GABRB1: variants seen among roughly 807,000 people sequenced by gnomAD.
The protein encoded by GABRB1 is gamma-aminobutyric acid receptor subunit beta-1.
Under a neutral mutation model 51.6 loss-of-function variants are expected in GABRB1, and 17 were observed. The observed-to-expected ratio is 0.33, with a 90% CI of 0.23 to 0.49. The LOEUF (loss-of-function observed/expected upper bound fraction) is 0.49. Ranked by LOEUF, GABRB1 falls within the 20% of genes least tolerant of loss-of-function variation. The pLI is 0.99. For synonymous variants in GABRB1, 247 were observed against 218.9 expected, an observed-to-expected ratio of 1.13 and a Z score of -1.14; for missense variants, 410 against 600.6, an observed-to-expected ratio of 0.68 and a Z score of 3.32.
rs1717773414 is a variant in GABRB1 at position 47,157,968 on chromosome 4, T to C, written c.241-3281T>C. 8.5e-5 allele frequency among the ~76,000 whole-genome samples: 13 copies of C among 152,224 alleles called. 1 individual carries two copies. The South Asian group carries it at 2.7e-3, about 32-fold the overall frequency. ...TGGATAACTTCTATAGCAAATTGGG[T>C]ACATTATTGCTTGAATTTATAACCA... On this transcript the variant is annotated intron_variant, in intron 3 of 8. Transcript: ENST00000295454.
intron 4 of GABRB1, among the ~76,000 whole-genome samples, chr4:47,225,845 T>C (rs1301015779): frequency 6.6e-6 from 1 of 152,188 alleles, no homozygotes; most frequent in Non-Finnish European, 1.5e-5. Context: ...TTTCTTCCAG[T>C]AAATGCATGC....
chr4:47,366,146 C>G (rs537804041), intron 5 of GABRB1, among the ~76,000 whole-genome samples: 1 of 152,262 alleles, frequency 6.6e-6, no homozygotes, highest in East Asian at 1.9e-4. Context: ...TGAACAATTC[C>G]AGGTCTCATA....
intron 3 of GABRB1, among the ~76,000 whole-genome samples, chr4:47,091,280 T>A (rs957830858): frequency 6.6e-6 from 1 of 152,160 alleles, no homozygotes; most frequent in African/African-American, 2.4e-5. Flanking sequence ...TACCATTATA[T>A]TGTATTTTTT....
At chr4:47,119,745 G>A (rs1275648480) in intron 3 of GABRB1, among the ~76,000 whole-genome samples, 1 of 152,074 alleles carries the variant, frequency 6.6e-6, no homozygotes, top group Admixed American at 6.6e-5. Flanking sequence ...CCAACCTCAG[G>A]TGATCTGCCC....
At chr4:47,250,360 G>A (rs1721939507) in intron 4 of GABRB1, among the ~76,000 whole-genome samples, 1 of 152,104 alleles carries the variant, frequency 6.6e-6, no homozygotes, top group South Asian at 2.1e-4. Flanking sequence ...GTTACCTGGA[G>A]CTTCTGTCTC....
rs75038256 is a variant in GABRB1 at position 47,302,069 on chromosome 4, T to C, written c.462-18058T>C. ...TGTAGAGTGTTTATAAATTCGGATA[T>C]GTACTTTGCCACAGATCAAGATTAA... On this transcript the variant is annotated intron_variant, in intron 4 of 8. Transcript: ENST00000295454. 8.5e-3 allele frequency among the ~76,000 whole-genome samples: 1,295 copies of C among 152,276 alleles called. 36 individuals carry two copies. The East Asian group carries it at 0.11, about 13-fold the overall frequency.
At chr4:47,390,352 T>G (rs1727942618) in intron 5 of GABRB1, among the ~76,000 whole-genome samples, 1 of 152,232 alleles carries the variant, frequency 6.6e-6, no homozygotes, top group Non-Finnish European at 1.5e-5. Context: ...ATTAGAAGCT[T>G]AAATGTCTGC....
chr4:47,031,542 GCGCGC>G, upstream of GABRB1: 1 of 849,200 alleles, frequency 1.2e-6, no homozygotes, highest in Non-Finnish European at 2.0e-6. Context: ...TTGGTAGTGA[GCGCGC>G]TCTGCGCATG....
At chr4:47,049,104 C>T (rs1261912021) in intron 3 of GABRB1, among the ~76,000 whole-genome samples, 4 of 150,174 alleles carry the variant, frequency 2.7e-5, no homozygotes, top group Admixed American at 6.6e-5. Context: ...GGGAGTTTTT[C>T]GGTGCAAATC....
At chr4:47,242,462 ACT>A (rs1367696941) in intron 4 of GABRB1, among the ~76,000 whole-genome samples, 1 of 152,208 alleles carries the variant, frequency 6.6e-6, no homozygotes, top group African/African-American at 2.4e-5. Flanking sequence ...GAATCACCAC[ACT>A]GTCTTCCACA....
intron 5 of GABRB1, among the ~76,000 whole-genome samples, chr4:47,349,278 G>A (rs1217305533): frequency 6.6e-6 from 1 of 152,060 alleles, no homozygotes; most frequent in African/African-American, 2.4e-5. Context: ...GGAGGTCTGG[G>A]GAATTTCAGT....
intron 3 of GABRB1, among the ~76,000 whole-genome samples, chr4:47,109,617 TG>T (rs1310853140): frequency 1.3e-5 from 2 of 151,958 alleles, no homozygotes; most frequent in Non-Finnish European, 2.9e-5. Flanking sequence ...TGGGAAAATG[TG>T]GTAAATAAGG....
At chr4:47,110,159 G>T (rs1003507057) in intron 3 of GABRB1, among the ~76,000 whole-genome samples, 1 of 152,106 alleles carries the variant, frequency 6.6e-6, no homozygotes, top group Admixed American at 6.6e-5. Flanking sequence ...CAGCAAGATT[G>T]TTGTGAATCT....
At chr4:47,051,816 C>T (rs34429439) in intron 3 of GABRB1, among the ~76,000 whole-genome samples, 33,822 of 152,016 alleles carry the variant, frequency 0.22, 4,862 homozygotes, top group Middle Eastern at 0.38. Flanking sequence ...GAAAGTCAGC[C>T]GACTAGTAGT....
intron 3 of GABRB1, among the ~76,000 whole-genome samples, chr4:47,116,039 G>C (rs1715463437): frequency 6.6e-6 from 1 of 152,086 alleles, no homozygotes; most frequent in South Asian, 2.1e-4. Context: ...TCACAGTATT[G>C]GTGTTTTGTT....
intron 8 of GABRB1, among the ~76,000 whole-genome samples, chr4:47,414,281 A>G (rs1273278663): frequency 1.3e-5 from 2 of 152,210 alleles, no homozygotes; most frequent in African/African-American, 4.8e-5. Flanking sequence ...CATGTGCCCA[A>G]GGTGGTCAGA....
intron 8 of GABRB1, among the ~76,000 whole-genome samples, chr4:47,413,283 A>G (rs1030748910): frequency 3.3e-5 from 5 of 152,200 alleles, no homozygotes; most frequent in Admixed American, 3.3e-4. Flanking sequence ...CTTCATATTT[A>G]GGTGGGATAA....
At chr4:47,073,429 T>C (rs1727424362) in intron 3 of GABRB1, among the ~76,000 whole-genome samples, 1 of 152,208 alleles carries the variant, frequency 6.6e-6, no homozygotes. Context: ...TTCCTAATGC[T>C]ATAATAAATA....
At chr4:47,180,792 T>A (rs1006250018) in intron 4 of GABRB1, among the ~76,000 whole-genome samples, 1 of 152,058 alleles carries the variant, frequency 6.6e-6, no homozygotes, top group Non-Finnish European at 1.5e-5. Flanking sequence ...CTTTACTTGA[T>A]TTGGATTAAT....
Sources: allele counts gnomAD v4.1 joint callset (sites outside exome capture counted in the v4.1 genomes callset), GRCh38; gene constraint gnomAD v4.1.1; transcripts MANE v1.5; gene names NCBI Gene and HGNC (gene_info 2026-07-23, HGNC 2026-07-21).